The following KLHL4 variants were observed in gnomAD, a reference collection of about 807,000 sequenced individuals.
The protein encoded by KLHL4 is kelch-like protein 4.
Under a neutral mutation model 45.8 loss-of-function variants are expected in KLHL4, and 17 were observed. The ratio of observed to expected loss-of-function variants is 0.37; its 90% confidence interval spans 0.25 to 0.56. The LOEUF is 0.56. Among genes scored for constraint, KLHL4 ranks in the 20% least tolerant of loss-of-function variants. The pLI is 0.79. For missense variants in KLHL4, 544 were observed against 544.9 expected (o/e 1.00, Z 0.02); for synonymous variants, 224 against 189.9 (o/e 1.18, Z -1.47).
chrX:87,634,639 T>C lies in KLHL4; in HGVS notation c.1712+728T>C, dbSNP rs759360238. On this transcript the variant is annotated intron_variant, in intron 8 of 10. Transcript: ENST00000373119. ...CATGAAGCCAATACATTATCATAGA[T>C]ATGGTCTCAGTCAAAATGTCAACGC... 3.6e-5 allele frequency among the ~76,000 whole-genome samples: 4 copies of C among 112,079 alleles called. No homozygotes were observed. The East Asian group carries it at 1.1e-3, about 32-fold the overall frequency.
rs147208986 is a variant in KLHL4 at position 87,643,839 on chromosome X, C to T, written c.1925+8064C>T. Among the ~76,000 whole-genome samples the T allele has an allele frequency of 1.4e-4, 16 of 111,710 alleles. No individual in the cohort carries two copies. In the East Asian group the frequency reaches 1.7e-3, roughly 12 times the overall value. On this transcript the variant is annotated intron_variant, in intron 9 of 10. Transcript: ENST00000373119. ...CAAAAGATGCAGAAAAAGCATTTGACGAAATCCAGCAACCTTTATGATTAA... is the reference window on the plus strand; with the variant it reads ...CAAAAGATGCAGAAAAAGCATTTGATGAAATCCAGCAACCTTTATGATTAA...
At chrX:87,548,170 G>T (rs1439334271) in intron 1 of KLHL4, among the ~76,000 whole-genome samples, 4 of 111,995 alleles carry the variant, frequency 3.6e-5, no homozygotes, top group African/African-American at 1.3e-4. Context: ...AGACTCCTCA[G>T]TGGAAATTTT....
rs553178244 is a variant in KLHL4 at position 87,641,311 on chromosome X, C to T, written c.1925+5536C>T. Among the ~76,000 whole-genome samples the T allele has an allele frequency of 2.8e-4, 31 of 111,923 alleles. No individual in the cohort carries two copies. The South Asian group carries it at 0.012, about 42-fold the overall frequency. On this transcript the variant is annotated intron_variant, in intron 9 of 10. Coordinates refer to ENST00000373119, the MANE Select transcript of KLHL4 (RefSeq NM_019117.5). ...GAAGGTCTGTTTGCAGGAGAAGTTT[C>T]CAACTTTACCTGGAGCTGAGGCAAT...
chrX:87,635,740 C>A lies in KLHL4; in HGVS notation c.1890C>A (p.Ser630=). 8.3e-7 allele frequency: 1 copy of A among 1,202,714 alleles called. No individual in the cohort carries two copies. Among genetic ancestry groups the A allele is most frequent in the Non-Finnish European group, 1.1e-6 (1 of 888,890 alleles). The part of the protein sequence containing the change: ...YVVGGHDAPA[S]NHCSRLSDCV... ...TAGGGGGGCATGATGCCCCTGCTTC[C>A]AACCATTGCTCCAGGCTTTCTGACT... Residue 630 remains serine (S), a synonymous_variant, in exon 9 of 11, where the codon TCC becomes TCA. Coordinates refer to ENST00000373119, the MANE Select transcript of KLHL4 (RefSeq NM_019117.5).
At chrX:87,576,911 A>T (rs1921119945) in intron 1 of KLHL4, among the ~76,000 whole-genome samples, 1 of 112,245 alleles carries the variant, frequency 8.9e-6, no homozygotes, top group African/African-American at 3.2e-5. Context: ...GAAACATCAT[A>T]TTTTAAATAA....
chrX:87,641,090 G>C (rs1394850459), intron 9 of KLHL4, among the ~76,000 whole-genome samples: 2 of 111,952 alleles, frequency 1.8e-5, no homozygotes, highest in Non-Finnish European at 3.8e-5. Flanking sequence ...GCAGCATGCA[G>C]AGGCTCGCAT....
At chrX:87,574,508 C>T (rs1921033584) in intron 1 of KLHL4, among the ~76,000 whole-genome samples, 1 of 111,988 alleles carries the variant, frequency 8.9e-6, no homozygotes. Context: ...TGCACTTTTT[C>T]TAAACACTGT....
Position 87,531,488 on chromosome X carries a change from T to G in KLHL4, c.422+13173T>G, listed in dbSNP as rs1259695700. Among the ~76,000 whole-genome samples, 78 of 109,781 alleles carry G rather than the reference T, an allele frequency of 7.1e-4. 3 individuals are homozygous for G. The highest frequency in any genetic ancestry group is 7.6e-5 in the Non-Finnish European group (4 of 52,731). On this transcript the variant is annotated intron_variant, in intron 1 of 10. Transcript: ENST00000373119. ...TGTTGGAAGTTCTGGCCAGGGCAAT[T>G]AGGCAGGAGAAGGAAATAAAGGGTA...
chrX:87,665,226 G>T (rs1924328978), intron 10 of KLHL4, among the ~76,000 whole-genome samples: 1 of 110,835 alleles, frequency 9.0e-6, no homozygotes, highest in South Asian at 3.8e-4. Context: ...GAAAATAAGC[G>T]AATCCAATAA....
chrX:87,648,368 C>CACAAA (rs1923704233), intron 9 of KLHL4, among the ~76,000 whole-genome samples: 1 of 111,123 alleles, frequency 9.0e-6, no homozygotes, highest in Non-Finnish European at 1.9e-5. Context: ...CAATCAAAAC[C>CACAAA]ATTGAAGCAA....
At chrX:87,584,889 A>G (rs920818953) in intron 1 of KLHL4, among the ~76,000 whole-genome samples, 1 of 109,417 alleles carries the variant, frequency 9.1e-6, no homozygotes, top group Admixed American at 9.8e-5. Context: ...TAGAACATCA[A>G]GTAGATTTAC....
intron 9 of KLHL4, among the ~76,000 whole-genome samples, chrX:87,657,748 C>A (rs906896256): frequency 9.0e-6 from 1 of 111,448 alleles, no homozygotes. Context: ...AGGGAATGTG[C>A]TGGGTTGTGG....
At position 87,614,044 on chromosome X, in the gene KLHL4, G is replaced by A. The variant is rs774015466; in HGVS notation, c.590G>A (p.Arg197Lys). 8 of 1,190,249 alleles carry A rather than the reference G, an allele frequency of 6.7e-6. No homozygotes were observed. In the African/African-American group the frequency reaches 1.4e-4, roughly 21 times the overall value. ...GGACACCTCCGCATCCCAGCCCATA[G>A]GTAAGTATTTTTATGTATACAGAAT... ...IAGHLRIPAH[R>K]LVLSAVSDYF... The change falls in exon 2 of 11, where the codon AGG becomes AAG. Residue 197 changes from arginine to lysine, a missense_variant and splice_region_variant. Arg to Lys is a conservative substitution (Grantham distance 26). Transcript: ENST00000373119.
intron 1 of KLHL4, among the ~76,000 whole-genome samples, chrX:87,568,817 C>A (rs1932276332): frequency 9.0e-6 from 1 of 111,198 alleles, no homozygotes. Context: ...GAAGTTGGAT[C>A]CTTAGCTCAA....
At chrX:87,525,879 C>T (rs1365365983) in intron 1 of KLHL4, among the ~76,000 whole-genome samples, 1 of 111,027 alleles carries the variant, frequency 9.0e-6, no homozygotes, top group Non-Finnish European at 1.9e-5. Context: ...GTCACTATGA[C>T]TCATCCCTTG....
intron 1 of KLHL4, among the ~76,000 whole-genome samples, chrX:87,604,475 G>A (rs1029059535): frequency 9.1e-6 from 1 of 109,297 alleles, no homozygotes; most frequent in Non-Finnish European, 1.9e-5. Context: ...TCCAGCTGGC[G>A]TGAGATAGTA....
At chrX:87,552,582 C>CA (rs1297655350) in intron 1 of KLHL4, among the ~76,000 whole-genome samples, 1 of 110,378 alleles carries the variant, frequency 9.1e-6, no homozygotes, top group East Asian at 2.8e-4. Flanking sequence ...CGTTGTTATT[C>CA]AAAAAAGATA....
At chrX:87,605,978 T>C (rs1481178056) in intron 1 of KLHL4, among the ~76,000 whole-genome samples, 1 of 111,547 alleles carries the variant, frequency 9.0e-6, no homozygotes, top group Non-Finnish European at 1.9e-5. Context: ...TTTCTGTGTC[T>C]ATTAAGATGA....
At chrX:87,613,387 A>G (rs1183363150) in intron 1 of KLHL4, among the ~76,000 whole-genome samples, 2 of 111,888 alleles carry the variant, frequency 1.8e-5, no homozygotes, top group East Asian at 5.6e-4. Context: ...AATGGGATTG[A>G]TAGTGTAAAG....
Sources: allele counts gnomAD v4.1 joint callset (sites outside exome capture counted in the v4.1 genomes callset), GRCh38; gene constraint gnomAD v4.1.1; transcripts MANE v1.5; gene names NCBI Gene and HGNC (gene_info 2026-07-23, HGNC 2026-07-21).